The following CCDC149 variants were observed in gnomAD, a reference collection of about 807,000 sequenced individuals.
The protein encoded by CCDC149 is coiled-coil domain-containing protein 149.
CCDC149 carries 45 observed loss-of-function variants against 59.9 expected under a neutral mutation model. That is an observed-to-expected ratio of 0.75 (90% CI 0.59 to 0.96). The LOEUF is 0.96. Among genes scored for constraint, CCDC149 ranks in the 40% least tolerant of loss-of-function variants. CCDC149 has a pLI of 0.00. For synonymous variants in CCDC149, 245 were observed against 260.6 expected (o/e 0.94, Z 0.58); for missense variants, 584 against 664.7 (o/e 0.88, Z 1.33).
chr4:24,831,006 T>C (rs1716109687), intron 9 of CCDC149: 1 of 154,564 alleles, frequency 6.5e-6, no homozygotes, highest in African/African-American at 2.4e-5. Flanking sequence ...AGATAAGACA[T>C]TCCATTTTAA....
chr4:24,834,890 C>A (rs1305286917), intron 8 of CCDC149, 58 bp downstream of exon 8: 11 of 1,308,432 alleles, frequency 8.4e-6, no homozygotes, highest in South Asian at 1.2e-5. Flanking sequence ...GGGATGTGGG[C>A]TTGCAGCTCT....
At chr4:24,865,497 C>T (rs1161403564) in intron 3 of CCDC149, among the ~76,000 whole-genome samples, 1 of 152,164 alleles carries the variant, frequency 6.6e-6, no homozygotes, top group Non-Finnish European at 1.5e-5. Flanking sequence ...AAGTGATGAC[C>T]TTTGCTATAG....
At chr4:24,844,369 TTACA>T (rs1717134286) in intron 4 of CCDC149, among the ~76,000 whole-genome samples, 2 of 152,256 alleles carry the variant, frequency 1.3e-5, no homozygotes, top group East Asian at 3.9e-4. Context: ...CATCTCCTCT[TTACA>T]GTAGCGAGAA....
chr4:24,819,622 AG>A (rs1193568707), intron 12 of CCDC149, among the ~76,000 whole-genome samples: 1 of 152,218 alleles, frequency 6.6e-6, no homozygotes, highest in East Asian at 1.9e-4. Flanking sequence ...CACCTGGCAC[AG>A]GGTCCTCACT....
chr4:24,919,678 T>G (rs968106543), intron 1 of CCDC149, among the ~76,000 whole-genome samples: 4 of 152,264 alleles, frequency 2.6e-5, no homozygotes, highest in Admixed American at 1.3e-4. Context: ...GAAGTAGTAA[T>G]TGGACAAAAC....
In CCDC149 at chr4:24,824,267, C is replaced by A. The variant is rs536167212; in HGVS notation, c.966-1694G>T. ...TGTCCCCAGCAATCTACTTTCAGGG[C>A]CCCTGCCTAAGTTTGTCAGTGCTTT... On this transcript the variant is annotated intron_variant, in intron 9 of 12. Coordinates refer to ENST00000635206, the MANE Select transcript of CCDC149 (RefSeq NM_001330643.2). Among the ~76,000 whole-genome samples, 7 of 152,264 alleles carry A rather than the reference C, an allele frequency of 4.6e-5. No homozygotes were observed. The East Asian group carries it at 1.4e-3, about 29-fold the overall frequency.
upstream of CCDC149, chr4:24,980,202 G>A (rs1724416137): frequency 6.6e-6 from 1 of 152,188 alleles, no homozygotes; most frequent in Non-Finnish European, 1.5e-5. Flanking sequence ...TCACCAGCTT[G>A]AGTCAGTTGG....
chr4:24,945,403 A>G (rs1723078448), intron 1 of CCDC149, among the ~76,000 whole-genome samples: 1 of 152,196 alleles, frequency 6.6e-6, no homozygotes, highest in African/African-American at 2.4e-5. Flanking sequence ...TAACAGAGGC[A>G]GAGATTGGAG....
In CCDC149 at chr4:24,903,692, C is replaced by T. The variant is rs1339247425; in HGVS notation, c.63+9125G>A. On this transcript the variant is annotated intron_variant, in intron 1 of 12. Coordinates refer to ENST00000635206, the MANE Select transcript of CCDC149 (RefSeq NM_001330643.2). ...ATCATCACAATCGAGACATAGAATA[C>T]ATCCATAAATCCAAAAGATTCCCTC... 2.6e-5 allele frequency among the ~76,000 whole-genome samples: 4 copies of T among 152,092 alleles called. No homozygotes were observed. In the East Asian group the frequency reaches 7.7e-4, roughly 29 times the overall value.
chr4:24,861,655 C>T (rs1344878331), intron 3 of CCDC149, among the ~76,000 whole-genome samples: 1 of 152,124 alleles, frequency 6.6e-6, no homozygotes, highest in Non-Finnish European at 1.5e-5. Context: ...AATGTAACCC[C>T]CTTGTAAGCT....
upstream of CCDC149, among the ~76,000 whole-genome samples, chr4:24,917,396 G>A (rs980671870): frequency 6.6e-6 from 1 of 152,226 alleles, no homozygotes; most frequent in African/African-American, 2.4e-5. Flanking sequence ...GCAGGCCGGG[G>A]ACCCGCAGTT....
chr4:24,930,008 G>C (rs1191588927), intron 1 of CCDC149, among the ~76,000 whole-genome samples: 4 of 152,160 alleles, frequency 2.6e-5, no homozygotes, highest in Non-Finnish European at 4.4e-5. Flanking sequence ...GTGTTGACAA[G>C]AAAAGTGTTT....
chr4:24,977,550 A>G (rs1281213233), intron 1 of CCDC149, among the ~76,000 whole-genome samples: 2 of 152,200 alleles, frequency 1.3e-5, no homozygotes, highest in Non-Finnish European at 2.9e-5. Flanking sequence ...AAGCCTGTCT[A>G]GCTAATACCA....
chr4:24,853,768 C>T lies in CCDC149; in HGVS notation c.265-589G>A, dbSNP rs141626451. Among the ~76,000 whole-genome samples the T allele has an allele frequency of 1.6e-3, 248 of 152,130 alleles. 1 individual carries two copies. The highest frequency in any genetic ancestry group is 5.5e-3 in the African/African-American group (230 of 41,486). On this transcript the variant is annotated intron_variant, in intron 3 of 12. Coordinates refer to ENST00000635206, the MANE Select transcript of CCDC149 (RefSeq NM_001330643.2). The stretch of plus-strand genomic sequence containing the variant: ...TGTCTCATGAGCTTTCGTGTGTGAC[C>T]TCAATGCCTAGAATTTTGATTACAA...
At chr4:24,927,007 G>C (rs1722450961) in intron 1 of CCDC149, among the ~76,000 whole-genome samples, 1 of 152,122 alleles carries the variant, frequency 6.6e-6, no homozygotes, top group Non-Finnish European at 1.5e-5. Context: ...TTGCCCTTAA[G>C]ACCCCCAGCC....
At chr4:24,968,182 T>C (rs1254142808) in intron 1 of CCDC149, among the ~76,000 whole-genome samples, 2 of 152,192 alleles carry the variant, frequency 1.3e-5, no homozygotes, top group South Asian at 2.1e-4. Context: ...ATGATTTTGG[T>C]TGAGGCCTGT....
chr4:24,920,233 G>A (rs1029768297), intron 1 of CCDC149, among the ~76,000 whole-genome samples: 1 of 152,190 alleles, frequency 6.6e-6, no homozygotes, highest in Admixed American at 6.5e-5. Flanking sequence ...GAGTTTCCTG[G>A]GTGAATGTAA....
chr4:24,862,435 A>G (rs1718442661), intron 3 of CCDC149, among the ~76,000 whole-genome samples: 1 of 152,226 alleles, frequency 6.6e-6, no homozygotes, highest in Admixed American at 6.5e-5. Flanking sequence ...CAGCATTTTT[A>G]GAAAATTCTG....
At chr4:24,883,799 G>C (rs1270354864) in intron 1 of CCDC149, among the ~76,000 whole-genome samples, 1 of 152,214 alleles carries the variant, frequency 6.6e-6, no homozygotes, top group Non-Finnish European at 1.5e-5. Context: ...CACTCTGACA[G>C]GTGGGACAAG....
Sources: gnomAD v4.1 joint callset for allele counts (sites outside exome capture counted in the v4.1 genomes callset) on GRCh38, gnomAD v4.1.1 for gene constraint, MANE v1.5 for transcripts, NCBI Gene and HGNC (gene_info 2026-07-23, HGNC 2026-07-21) for gene names.